Variants in SEL1L2 observed in about 807,000 individuals in gnomAD.
SEL1L2 encodes SEL1L2 adaptor subunit of SYVN1 ubiquitin ligase.
SEL1L2 carries 89 observed loss-of-function variants against 98.8 expected under a neutral mutation model. The ratio of observed to expected loss-of-function variants is 0.90; its 90% CI spans 0.76 to 1.07. The LOEUF is 1.07. SEL1L2 is among the 50% of genes least tolerant of loss of function. The pLI is 0.00. For missense variants in SEL1L2, 788 were observed against 812.0 expected (o/e 0.97, Z 0.36); for synonymous variants, 262 against 278.5 (o/e 0.94, Z 0.59).
chr20:13,966,907 A>G (rs2051071399), intron 1 of SEL1L2, among the ~76,000 whole-genome samples: 2 of 106,514 alleles, frequency 1.9e-5, no homozygotes, highest in African/African-American at 6.6e-5. Context: ...TTTGAGATGG[A>G]ATCTTGCTCT....
chr20:13,904,134 T>G (rs1415173791), intron 5 of SEL1L2, among the ~76,000 whole-genome samples: 4 of 152,264 alleles, frequency 2.6e-5, no homozygotes, highest in Non-Finnish European at 5.9e-5. Flanking sequence ...ACTTGGAAAT[T>G]GACTATGGAG....
At chr20:13,855,229 G>C (rs1301735468) in intron 18 of SEL1L2, among the ~76,000 whole-genome samples, 1 of 152,072 alleles carries the variant, frequency 6.6e-6, no homozygotes, top group Admixed American at 6.6e-5. Flanking sequence ...TGAGGGGAAG[G>C]AATAAGTAGC....
At chr20:13,981,555 C>T (rs2051832861) in intron 1 of SEL1L2, among the ~76,000 whole-genome samples, 1 of 152,010 alleles carries the variant, frequency 6.6e-6, no homozygotes, top group South Asian at 2.1e-4. Flanking sequence ...CACATTGTGC[C>T]CCATAACTAT....
intron 2 of SEL1L2, among the ~76,000 whole-genome samples, chr20:13,944,169 C>T (rs181338789): frequency 5.3e-5 from 8 of 152,240 alleles, no homozygotes; most frequent in Non-Finnish European, 7.3e-5. Flanking sequence ...CCAGAGATAG[C>T]ATGGAGGCCA....
At chr20:13,871,625 C>A (rs1383038979) in intron 12 of SEL1L2, among the ~76,000 whole-genome samples, 1 of 152,020 alleles carries the variant, frequency 6.6e-6, no homozygotes, top group African/African-American at 2.4e-5. Flanking sequence ...TATTCTCCTG[C>A]CTCAGCCTCC....
At chr20:13,923,955 G>C (rs2048769834) in intron 3 of SEL1L2, among the ~76,000 whole-genome samples, 1 of 152,112 alleles carries the variant, frequency 6.6e-6, no homozygotes, top group African/African-American at 2.4e-5. Flanking sequence ...CCTATTGCAA[G>C]ACTGTTAATT....
intron 1 of SEL1L2, among the ~76,000 whole-genome samples, chr20:13,987,563 T>TG (rs1261081126): frequency 2.0e-5 from 3 of 151,876 alleles, no homozygotes; most frequent in African/African-American, 7.3e-5. Flanking sequence ...TTGGCCAGGA[T>TG]GGTCTGGATC....
chr20:13,967,388 G>A (rs1010574910), intron 1 of SEL1L2, among the ~76,000 whole-genome samples: 1 of 152,012 alleles, frequency 6.6e-6, no homozygotes, highest in Non-Finnish European at 1.5e-5. Flanking sequence ...CTTACCACAT[G>A]TAAAACTGAC....
intron 10 of SEL1L2, among the ~76,000 whole-genome samples, chr20:13,883,011 G>C (rs372133904): frequency 1.6e-4 from 25 of 151,872 alleles, no homozygotes; most frequent in African/African-American, 6.0e-4. Context: ...TAGTAGAGAC[G>C]GGGTTTCACC....
chr20:13,994,295 CAAAAAAAAAAAAA>C (rs10557935), upstream of SEL1L2, among the ~76,000 whole-genome samples: 4 of 70,956 alleles, frequency 5.6e-5, no homozygotes, highest in Non-Finnish European at 1.0e-4. Context: ...AACTCTGCCT[CAAAAAAAAAAAAA>C]AAAAAAAAAA....
chr20:13,964,645 T>C (rs944044991), intron 1 of SEL1L2, among the ~76,000 whole-genome samples: 3 of 150,808 alleles, frequency 2.0e-5, no homozygotes, highest in Non-Finnish European at 3.0e-5. Flanking sequence ...AGAGACGGGG[T>C]TTCTCCATGT....
chr20:13,869,007 T>TG (rs900886948), intron 14 of SEL1L2, among the ~76,000 whole-genome samples: 22 of 151,816 alleles, frequency 1.4e-4, no homozygotes, highest in Non-Finnish European at 2.4e-4. Context: ...TTTTTTTTTT[T>TG]TTGTTCCCTA....
intron 2 of SEL1L2, among the ~76,000 whole-genome samples, chr20:13,935,167 CA>C (rs1320875998): frequency 5.9e-5 from 9 of 152,150 alleles, no homozygotes; most frequent in Non-Finnish European, 1.2e-4. Flanking sequence ...AGAACACAGT[CA>C]GCGAGACCAA....
At chr20:13,970,248 A>G (rs2051222020) in intron 1 of SEL1L2, among the ~76,000 whole-genome samples, 1 of 152,140 alleles carries the variant, frequency 6.6e-6, no homozygotes, top group Non-Finnish European at 1.5e-5. Context: ...CCAGAATCTC[A>G]AGGTTGGAAG....
chr20:13,923,498 G>A (rs1464012736), intron 3 of SEL1L2, among the ~76,000 whole-genome samples: 1 of 152,218 alleles, frequency 6.6e-6, no homozygotes, highest in African/African-American at 2.4e-5. Flanking sequence ...GCTGAGTGCA[G>A]TAGCTCACAC....
chr20:13,952,007 T>A (rs1177772359), intron 2 of SEL1L2, among the ~76,000 whole-genome samples: 1 of 152,150 alleles, frequency 6.6e-6, no homozygotes, highest in Non-Finnish European at 1.5e-5. Context: ...ACGCAGAGGT[T>A]TCCTTTCTGG....
chr20:13,888,635 CTTTTTTTTTT>C (rs71188192), intron 5 of SEL1L2, 123 bp from the exon 6 acceptor site: 17 of 206,466 alleles, frequency 8.2e-5, no homozygotes, highest in Admixed American at 1.2e-4. Flanking sequence ...CTTTCTTTCT[CTTTTTTTTTT>C]TTTTTTTTTT....
intron 2 of SEL1L2, among the ~76,000 whole-genome samples, chr20:13,936,213 C>T (rs1361044191): frequency 2.6e-5 from 4 of 152,138 alleles, no homozygotes; most frequent in African/African-American, 9.7e-5. Context: ...TCTGACCTAA[C>T]CAGCTCCATC....
In SEL1L2 at chr20:13,887,939, A is replaced by C. The variant is rs753430879; in HGVS notation, c.663+3T>G. 6.8e-6 allele frequency: 11 copies of C among 1,613,648 alleles called. No individual in the cohort carries two copies. The highest frequency in any genetic ancestry group is 9.3e-6 in the Non-Finnish European group (11 of 1,179,784). ...TGGTTCCAAGAATATTTTGTTTACA[A>C]ACCAAAATCATCTGGGACATCATGT... On this transcript the variant is annotated splice_donor_region_variant and intron_variant, in intron 7 of 19. Transcript: ENST00000284951.
Sources: gnomAD v4.1 joint callset for allele counts (sites outside exome capture counted in the v4.1 genomes callset) on GRCh38, gnomAD v4.1.1 for gene constraint, MANE v1.5 for transcripts, NCBI Gene and HGNC (gene_info 2026-07-23, HGNC 2026-07-21) for gene names.